CLMN: variants seen among roughly 807,000 people sequenced by gnomAD.
CLMN encodes the protein calmin (calponin-like, transmembrane).
Under a neutral mutation model 92.7 loss-of-function variants are expected in CLMN, and 57 were observed. That is an observed-to-expected ratio of 0.61 (90% CI 0.50 to 0.77). The LOEUF (loss-of-function observed/expected upper bound fraction) is 0.77, where lower values mean the gene tolerates loss of function less well. Among genes scored for constraint, CLMN ranks in the 30% least tolerant of loss-of-function variants. The pLI, the probability that CLMN is intolerant of heterozygous loss-of-function variation, is 0.00. For synonymous variants in CLMN, 466 were observed against 470.6 expected, an observed-to-expected ratio of 0.99 and a Z score of 0.13; for missense variants, 1,158 against 1,237.5, an observed-to-expected ratio of 0.94 and a Z score of 0.96.
chr14:95,265,184 T>A (rs761116298), intron 1 of CLMN, among the ~76,000 whole-genome samples: 12 of 151,378 alleles, frequency 7.9e-5, no homozygotes, highest in Non-Finnish European at 1.5e-4. Context: ...GAGGTTGCAG[T>A]GAGCCGAGAC....
rs1901563095 is a variant in CLMN, at chr14:95,312,051, C to T, written c.82+7660G>A. On this transcript the variant is annotated intron_variant, in intron 1 of 12. Coordinates refer to ENST00000298912, the MANE Select transcript of CLMN (RefSeq NM_024734.4). ...GTACACTCTCAGCTCAGGCCTGTTG[C>T]CGCCACCGTGTTCTCCACCAAACTC... 2.0e-5 allele frequency among the ~76,000 whole-genome samples: 3 copies of T among 152,128 alleles called. No individual in the cohort carries two copies. The South Asian group carries it at 6.2e-4, about 32-fold the overall frequency.
intron 4 of CLMN, among the ~76,000 whole-genome samples, chr14:95,218,223 G>GT (rs1897415031): frequency 6.6e-6 from 1 of 152,192 alleles, no homozygotes; most frequent in South Asian, 2.1e-4. Context: ...CAGGGGCCTG[G>GT]TAAGTGATGA....
At chr14:95,234,087 C>T (rs377039246) in intron 1 of CLMN, among the ~76,000 whole-genome samples, 2 of 152,222 alleles carry the variant, frequency 1.3e-5, no homozygotes, top group African/African-American at 2.4e-5. Context: ...TCCACTTCAG[C>T]GCCACGCACC....
intron 1 of CLMN, among the ~76,000 whole-genome samples, chr14:95,257,242 G>A (rs955914343): frequency 6.6e-5 from 10 of 152,320 alleles, no homozygotes; most frequent in East Asian, 3.9e-4. Context: ...AACAACGGTC[G>A]AGAGCCTGCT....
chr14:95,201,817 A>G (rs1896892369), intron 9 of CLMN, among the ~76,000 whole-genome samples: 1 of 151,124 alleles, frequency 6.6e-6, no homozygotes. Context: ...TTTATAAGTG[A>G]GGACAAGCGG....
intron 1 of CLMN, among the ~76,000 whole-genome samples, chr14:95,241,619 C>T (rs1192782893): frequency 6.6e-6 from 1 of 152,162 alleles, no homozygotes; most frequent in Non-Finnish European, 1.5e-5. Flanking sequence ...GTCAAGTTCT[C>T]CTGGAGCTGG....
chr14:95,199,444 C>T (rs961082939), intron 9 of CLMN: 3 of 152,280 alleles, frequency 2.0e-5, no homozygotes, highest in Non-Finnish European at 2.9e-5. Context: ...CTTTGGGCCC[C>T]TCACTGGGCT....
At chr14:95,265,465 T>C (rs1185171547) in intron 1 of CLMN, among the ~76,000 whole-genome samples, 1 of 152,188 alleles carries the variant, frequency 6.6e-6, no homozygotes, top group Non-Finnish European at 1.5e-5. Context: ...ACTCCACAAT[T>C]GCATAAACCA....
chr14:95,269,464 G>A (rs936876560), intron 1 of CLMN, among the ~76,000 whole-genome samples: 7 of 152,272 alleles, frequency 4.6e-5, no homozygotes, highest in South Asian at 4.1e-4. Context: ...GTACATCTAC[G>A]GAAAGGTGGT....
At chr14:95,260,050 G>A (rs929004869) in intron 1 of CLMN, among the ~76,000 whole-genome samples, 2 of 152,162 alleles carry the variant, frequency 1.3e-5, no homozygotes. Context: ...CAGCACCCAC[G>A]ACTCTGCATC....
intron 5 of CLMN, among the ~76,000 whole-genome samples, chr14:95,215,115 A>G (rs1032295921): frequency 6.6e-6 from 1 of 152,226 alleles, no homozygotes; most frequent in African/African-American, 2.4e-5. Context: ...AATAAAAAAT[A>G]AAATAAAAAT....
intron 1 of CLMN, among the ~76,000 whole-genome samples, chr14:95,305,371 A>ACG (rs1901234708): frequency 6.6e-6 from 1 of 152,232 alleles, no homozygotes; most frequent in Non-Finnish European, 1.5e-5. Flanking sequence ...CCTGTCCATC[A>ACG]TGACCATCCT....
At position 95,317,070 on chromosome 14, in the gene CLMN, G is replaced by A. The variant is rs1318723327; in HGVS notation, c.82+2641C>T. ...ATAACTTGACTACCCTCTGCACTGA[G>A]TTCAGAAGAACAAGGCCCCTGCTGG... On this transcript the variant is annotated intron_variant, in intron 1 of 12. Coordinates refer to ENST00000298912, the MANE Select transcript of CLMN (RefSeq NM_024734.4). 4.6e-5 allele frequency among the ~76,000 whole-genome samples: 7 copies of A among 152,316 alleles called. No homozygotes were observed. In the South Asian group the frequency reaches 1.4e-3, roughly 32 times the overall value.
chr14:95,242,469 A>C (rs1898287623), intron 1 of CLMN, among the ~76,000 whole-genome samples: 1 of 151,956 alleles, frequency 6.6e-6, no homozygotes, highest in South Asian at 2.1e-4. Context: ...CATGTTGGCC[A>C]GGCTGGTCTC....
At position 95,203,309 on chromosome 14, in the gene CLMN, C is replaced by T; in HGVS notation, c.2040G>A (p.Gln680=). The part of the protein sequence containing the change: ...YEEEGEDDDL[Q]GVGEELSSSP... ...TGGAAGATAATTCCTCGCCCACACC[C>T]TGGAGGTCATCGTCTTCTCCCTCTT... The change falls in exon 9 of 13, where the codon CAG becomes CAA. Residue 680 remains glutamine, a synonymous_variant. Transcript: ENST00000298912. 1 of 1,614,144 alleles carries T rather than the reference C, an allele frequency of 6.2e-7. No individual in the cohort carries two copies. Among genetic ancestry groups the T allele is most frequent in the Non-Finnish European group, 8.5e-7 (1 of 1,180,020 alleles).
chr14:95,267,159 A>G (rs1899503328), intron 1 of CLMN, among the ~76,000 whole-genome samples: 2 of 152,230 alleles, frequency 1.3e-5, no homozygotes, highest in Admixed American at 1.3e-4. Flanking sequence ...AGGGAACAAA[A>G]GAAAAAATAG....
intron 1 of CLMN, among the ~76,000 whole-genome samples, chr14:95,264,752 G>C (rs183608500): frequency 6.6e-6 from 1 of 152,028 alleles, no homozygotes. Flanking sequence ...CTGTGAAGTC[G>C]TTTTTTAGGT....
At position 95,294,041 on chromosome 14, in the gene CLMN, G is replaced by C. The variant is rs1424539693; in HGVS notation, c.82+25670C>G. Among the ~76,000 whole-genome samples the C allele has an allele frequency of 6.6e-6, 1 of 150,486 alleles. No homozygotes were observed. Among genetic ancestry groups the C allele is most frequent in the Non-Finnish European group, 1.5e-5 (1 of 67,636 alleles). On this transcript the variant is annotated intron_variant, in intron 1 of 12. Transcript: ENST00000298912. This position sits in a 1 kb window ranked among gnomAD's most constrained non-coding sequence, Gnocchi z 4.2. Reference sequence around the variant, plus strand: ...CAAAGAGGAGGAGGAGGAGGAGGAGGCCAGAAGTCTGGCTGGAGGGCTTCC... The same window carrying C: ...CAAAGAGGAGGAGGAGGAGGAGGAGCCCAGAAGTCTGGCTGGAGGGCTTCC...
In CLMN at chr14:95,191,763, A is replaced by C; in HGVS notation, c.2841-31T>G. 1 of 1,576,488 alleles carries C rather than the reference A, an allele frequency of 6.3e-7. No homozygotes were observed. The highest frequency in any genetic ancestry group is 8.6e-7 in the Non-Finnish European group (1 of 1,165,110). On this transcript the variant is annotated intron_variant, in intron 12 of 12. Coordinates refer to ENST00000298912, the MANE Select transcript of CLMN (RefSeq NM_024734.4). This position sits in a 1 kb window ranked among gnomAD's most constrained non-coding sequence, Gnocchi z 5.3. The stretch of plus-strand genomic sequence containing the variant: ...GAAGAAACACAGAGGAAACGCAGTT[A>C]CCAAGCAGGTTCCCAGGAAAGTGGA...
Sources: gnomAD v4.1 joint callset for allele counts (sites outside exome capture counted in the v4.1 genomes callset) on GRCh38, gnomAD v4.1.1 for gene constraint, Gnocchi (gnomAD v3.1) non-coding constraint, MANE v1.5 for transcripts, NCBI Gene and HGNC (gene_info 2026-07-23, HGNC 2026-07-21) for gene names.